Variants in STK39 observed in about 807,000 individuals in gnomAD.
STK39 encodes serine/threonine kinase 39, also known as STE20/SPS1-related proline-alanine-rich protein kinase.
A neutral mutation model predicts 77.8 loss-of-function variants in STK39; 20 were observed. The observed-to-expected ratio is 0.26, with a 90% CI of 0.18 to 0.37. STK39 has a LOEUF of 0.37. Among genes scored for constraint, STK39 ranks in the 10% least tolerant of loss-of-function variants. STK39 has a pLI of 1.00. For missense variants in STK39, 479 were observed against 656.5 expected, an observed-to-expected ratio of 0.73 and a Z score of 2.95; for synonymous variants, 246 against 234.1, an observed-to-expected ratio of 1.05 and a Z score of -0.47.
chr2:168,204,410 C>T (rs1689689902), intron 1 of STK39, among the ~76,000 whole-genome samples: 1 of 152,168 alleles, frequency 6.6e-6, no homozygotes, highest in East Asian at 1.9e-4. Flanking sequence ...TAGGAAGACC[C>T]GGTAAACTGG....
chr2:168,092,026 A>G (rs895671293), intron 10 of STK39, among the ~76,000 whole-genome samples: 1 of 152,172 alleles, frequency 6.6e-6, no homozygotes, highest in African/African-American at 2.4e-5. Flanking sequence ...CTTATTCAAA[A>G]CTGGATCCCC....
At chr2:168,188,212 G>A (rs1395241205) in intron 1 of STK39, among the ~76,000 whole-genome samples, 1 of 152,126 alleles carries the variant, frequency 6.6e-6, no homozygotes, top group Admixed American at 6.5e-5. Flanking sequence ...CAACCTCAAA[G>A]CCCACAGGCC....
At chr2:168,073,770 C>A (rs1323180342) in intron 12 of STK39, among the ~76,000 whole-genome samples, 4 of 152,084 alleles carry the variant, frequency 2.6e-5, no homozygotes, top group Non-Finnish European at 5.9e-5. Context: ...AGATGCCTGC[C>A]ACCATGCCCA....
intron 14 of STK39, among the ~76,000 whole-genome samples, chr2:168,028,213 G>A (rs1159151146): frequency 6.6e-6 from 1 of 152,070 alleles, no homozygotes; most frequent in African/African-American, 2.4e-5. Context: ...TGTGCAAAGA[G>A]TAATACAATG....
At chr2:167,993,529 T>C (rs1039222223) in intron 16 of STK39, among the ~76,000 whole-genome samples, 4 of 152,104 alleles carry the variant, frequency 2.6e-5, no homozygotes, top group African/African-American at 9.7e-5. Flanking sequence ...TCTAAGACTA[T>C]GAAGGGAATG....
At chr2:168,029,684 G>C (rs4667548) in intron 14 of STK39, among the ~76,000 whole-genome samples, 73,885 of 152,066 alleles carry the variant, frequency 0.49, 18,965 homozygotes, top group Admixed American at 0.55. Context: ...GTGCTACAAA[G>C]GGCGATTTCA....
At chr2:168,211,015 T>G (rs1414570510) in intron 1 of STK39, among the ~76,000 whole-genome samples, 2 of 152,212 alleles carry the variant, frequency 1.3e-5, no homozygotes, top group African/African-American at 4.8e-5. Context: ...CATTATATGG[T>G]TAAAAAGAGA....
intron 10 of STK39, among the ~76,000 whole-genome samples, chr2:168,117,831 A>C (rs2105482198): frequency 6.6e-6 from 1 of 152,226 alleles, no homozygotes; most frequent in South Asian, 2.1e-4. Context: ...CCTCCAAGTG[A>C]TGTGCACCTC....
chr2:168,213,689 T>TAAAA (rs10706908), intron 1 of STK39, among the ~76,000 whole-genome samples: 1 of 124,216 alleles, frequency 8.1e-6, no homozygotes, highest in Non-Finnish European at 1.7e-5. Context: ...CAGCCATATT[T>TAAAA]AAAAAAAAAA....
intron 2 of STK39, among the ~76,000 whole-genome samples, chr2:168,171,561 C>A (rs1302376954): frequency 2.6e-5 from 4 of 151,450 alleles, no homozygotes; most frequent in Non-Finnish European, 5.9e-5. Flanking sequence ...TCATAGCTCA[C>A]AGAAGCTTTA....
In STK39 at chr2:168,115,890, G is replaced by A. The variant is rs917331619; in HGVS notation, c.1089+13651C>T. Among the ~76,000 whole-genome samples, 3 of 152,278 alleles carry A rather than the reference G, an allele frequency of 2.0e-5. No individual in the cohort carries two copies. In the South Asian group the frequency reaches 6.2e-4, roughly 32 times the overall value. On this transcript the variant is annotated intron_variant, in intron 10 of 17. Coordinates refer to ENST00000355999, the MANE Select transcript of STK39 (RefSeq NM_013233.3). Reference sequence around the variant, plus strand: ...AGACAAGGCTGAAGAGCGAAGAAGGGACTAGACCATGCGAAGCACTGGAAC... The same window carrying A: ...AGACAAGGCTGAAGAGCGAAGAAGGAACTAGACCATGCGAAGCACTGGAAC...
intron 1 of STK39, among the ~76,000 whole-genome samples, chr2:168,244,702 C>A (rs1007232215): frequency 1.3e-5 from 2 of 152,216 alleles, no homozygotes; most frequent in African/African-American, 4.8e-5. Context: ...AAAACCTATT[C>A]CAGCAATTTG....
chr2:168,046,408 C>G (rs760795536), intron 14 of STK39, among the ~76,000 whole-genome samples: 12 of 152,094 alleles, frequency 7.9e-5, no homozygotes, highest in Non-Finnish European at 1.8e-4. Flanking sequence ...CAAAAGAAAA[C>G]TAGTGAGACA....
At chr2:167,996,101 G>T (rs1683831936) in intron 16 of STK39, among the ~76,000 whole-genome samples, 1 of 152,146 alleles carries the variant, frequency 6.6e-6, no homozygotes, top group Non-Finnish European at 1.5e-5. Context: ...AGTGGGAGTG[G>T]TATTTGCTTG....
chr2:168,133,548 A>T (rs1687755216), intron 8 of STK39, among the ~76,000 whole-genome samples: 1 of 152,180 alleles, frequency 6.6e-6, no homozygotes, highest in Admixed American at 6.5e-5. Flanking sequence ...AAAGAATGAA[A>T]GAATGGAACT....
At chr2:168,104,515 A>G (rs911261137) in intron 10 of STK39, among the ~76,000 whole-genome samples, 1 of 152,176 alleles carries the variant, frequency 6.6e-6, no homozygotes. Flanking sequence ...GGGGAGTTAC[A>G]TGTGTGTATG....
intron 14 of STK39, among the ~76,000 whole-genome samples, chr2:168,048,075 C>A (rs1014930090): frequency 4.6e-5 from 7 of 152,150 alleles, no homozygotes; most frequent in African/African-American, 1.7e-4. Flanking sequence ...TTCTATGTGG[C>A]CCAGAGGGTG....
At chr2:168,166,853 T>C (rs565677214) in intron 3 of STK39, among the ~76,000 whole-genome samples, 28 of 152,254 alleles carry the variant, frequency 1.8e-4, no homozygotes, top group South Asian at 1.5e-3. Context: ...GTTAAGGACC[T>C]GAACAATGTT....
At chr2:168,030,841 C>T (rs1684815642) in intron 14 of STK39, among the ~76,000 whole-genome samples, 1 of 152,166 alleles carries the variant, frequency 6.6e-6, no homozygotes, top group Non-Finnish European at 1.5e-5. Flanking sequence ...TTATAAAATA[C>T]ATAGTTGCAC....
Sources: gnomAD v4.1 joint callset for allele counts (sites outside exome capture counted in the v4.1 genomes callset) on GRCh38, gnomAD v4.1.1 for gene constraint, MANE v1.5 for transcripts, NCBI Gene and HGNC (gene_info 2026-07-23, HGNC 2026-07-21) for gene names.